Variants in ZMYND8 observed in about 807,000 individuals in gnomAD.
The protein encoded by ZMYND8 is MYND-type zinc finger-containing chromatin reader ZMYND8.
In ZMYND8, 37 loss-of-function variants were observed where a neutral mutation model predicts 140.8. That is an observed-to-expected ratio of 0.26 (90% CI 0.20 to 0.35). The LOEUF (loss-of-function observed/expected upper bound fraction) is 0.35, where lower values mean the gene tolerates loss of function less well. Ranked by LOEUF, ZMYND8 falls within the 10% of genes least tolerant of loss-of-function variation. The pLI is 1.00. For synonymous variants in ZMYND8, 592 were observed against 597.1 expected (o/e 0.99, Z 0.12); for missense variants, 1,068 against 1,570.0 (o/e 0.68, Z 5.40).
intron 20 of ZMYND8, 76 bp from the exon 21 acceptor site, chr20:47,220,400 C>A: frequency 8.3e-7 from 1 of 1,204,602 alleles, no homozygotes; most frequent in South Asian, 1.3e-5. Context: ...TCCAGGGAGT[C>A]ATGGGGGTGC....
At chr20:47,329,205 A>T (rs1428782809) in intron 2 of ZMYND8, among the ~76,000 whole-genome samples, 1 of 152,222 alleles carries the variant, frequency 6.6e-6, no homozygotes, top group African/African-American at 2.4e-5. Flanking sequence ...TACAGCATTC[A>T]GCACAGCATG....
intron 11 of ZMYND8, among the ~76,000 whole-genome samples, chr20:47,273,262 T>G (rs2076066162): frequency 1.3e-5 from 2 of 152,158 alleles, no homozygotes; most frequent in Admixed American, 1.3e-4. Context: ...TCATGAAACA[T>G]GCAACTTATA....
intron 16 of ZMYND8, among the ~76,000 whole-genome samples, chr20:47,234,933 A>G (rs553159231): frequency 1.4e-4 from 22 of 152,256 alleles, no homozygotes; most frequent in African/African-American, 5.1e-4. Flanking sequence ...TGAGGCCAGG[A>G]GTTTGAGACC....
At chr20:47,278,576 T>C (rs2076397937) in intron 10 of ZMYND8, among the ~76,000 whole-genome samples, 1 of 151,534 alleles carries the variant, frequency 6.6e-6, no homozygotes, top group South Asian at 2.1e-4. Context: ...AGCACATCCC[T>C]GGGACCGAAT....
chr20:47,227,060 C>A, intron 18 of ZMYND8, 143 bp downstream of exon 18: 1 of 871,802 alleles, frequency 1.1e-6, no homozygotes. Flanking sequence ...CAGGCCCAGA[C>A]TCTCAGGATT....
At chr20:47,232,906 G>GTTTTTTTTTTT (rs758568932) in intron 16 of ZMYND8, among the ~76,000 whole-genome samples, 2 of 123,426 alleles carry the variant, frequency 1.6e-5, no homozygotes, top group African/African-American at 7.0e-5. Context: ...TGTTTTTTTT[G>GTTTTTTTTTTT]TTTTTTTTTT....
intron 3 of ZMYND8, among the ~76,000 whole-genome samples, chr20:47,303,659 G>GAT (rs2078253658): frequency 1.3e-5 from 2 of 151,762 alleles, no homozygotes; most frequent in African/African-American, 4.8e-5. Context: ...TCACACCACT[G>GAT]CACTCCAGCC....
chr20:47,236,414 C>G lies in ZMYND8; in HGVS notation c.2768G>C (p.Ser923Thr). The G allele has an allele frequency of 6.2e-7, 1 of 1,614,128 alleles. No homozygotes were observed. The highest frequency in any genetic ancestry group is 8.5e-7 in the Non-Finnish European group (1 of 1,180,020). ...AGCGTTGACTGAGGACACAAGGGTG[C>G]TCATGGACCCCGAGCTGGTGACCAG... Reference protein sequence around the residue: ...SPLVTSSGSMSTLVSSVNADL... With the variant: ...SPLVTSSGSMTTLVSSVNADL... The change falls in exon 16 of 23, where the codon AGC (serine) becomes ACC (threonine). Residue 923 changes from serine (S) to threonine (T), a missense_variant. Transcript: ENST00000471951.
intron 2 of ZMYND8, among the ~76,000 whole-genome samples, chr20:47,325,203 C>T (rs2080312915): frequency 6.6e-6 from 1 of 152,180 alleles, no homozygotes; most frequent in Non-Finnish European, 1.5e-5. Context: ...CCACACCTGG[C>T]CCATAGTTGA....
At chr20:47,308,069 G>A (rs2078634870) in intron 3 of ZMYND8, among the ~76,000 whole-genome samples, 1 of 144,384 alleles carries the variant, frequency 6.9e-6, no homozygotes, top group South Asian at 2.2e-4. Context: ...AATGAGCCGA[G>A]ATCACACCAA....
intron 2 of ZMYND8, among the ~76,000 whole-genome samples, chr20:47,345,968 T>C (rs1281422458): frequency 6.6e-6 from 1 of 152,050 alleles, no homozygotes; most frequent in Admixed American, 6.6e-5. Context: ...CCAATCCACG[T>C]TTTTGAAGCG....
At chr20:47,252,693 G>T (rs193021194) in intron 12 of ZMYND8, among the ~76,000 whole-genome samples, 14 of 152,296 alleles carry the variant, frequency 9.2e-5, no homozygotes, top group African/African-American at 3.4e-4. Context: ...GGCTGAGGTG[G>T]GCAGTTCCCT....
At position 47,243,521 on chromosome 20, in the gene ZMYND8, G is replaced by A. The variant is rs1028251040; in HGVS notation, c.2284+2487C>T. On this transcript the variant is annotated intron_variant, in intron 14 of 22. Coordinates refer to ENST00000471951, the MANE Select transcript of ZMYND8 (RefSeq NM_001281775.3). ...GGTTTTTTGTTTTTTTGGAAAGTAT[G>A]AGATCTTCTAAGGTACTGTGTTTCC... Among the ~76,000 whole-genome samples the A allele has an allele frequency of 4.6e-5, 7 of 152,166 alleles. 1 individual carries two copies. The highest frequency in any genetic ancestry group is 4.1e-4 in the South Asian group (2 of 4,826).
At chr20:47,276,136 A>T (rs2076242595) in intron 11 of ZMYND8, among the ~76,000 whole-genome samples, 178 bp downstream of exon 11, 1 of 151,994 alleles carries the variant, frequency 6.6e-6, no homozygotes, top group Non-Finnish European at 1.5e-5. Flanking sequence ...CACTTTTCTC[A>T]TTTCTGGGTT....
chr20:47,325,232 T>C (rs2080313398), intron 2 of ZMYND8, among the ~76,000 whole-genome samples: 1 of 152,136 alleles, frequency 6.6e-6, no homozygotes, highest in Non-Finnish European at 1.5e-5. Flanking sequence ...AAAAATTATT[T>C]TCCTCTTCTG....
intron 3 of ZMYND8, among the ~76,000 whole-genome samples, chr20:47,299,917 A>G (rs767019288): frequency 6.6e-6 from 1 of 152,134 alleles, no homozygotes; most frequent in Non-Finnish European, 1.5e-5. Flanking sequence ...CCAATACATA[A>G]AGCATTTATG....
chr20:47,223,494 A>G (rs2037279091), intron 19 of ZMYND8, among the ~76,000 whole-genome samples: 1 of 151,546 alleles, frequency 6.6e-6, no homozygotes, highest in Non-Finnish European at 1.5e-5. Context: ...GACAAGAGCA[A>G]AACTCTGTCT....
At chr20:47,256,183 C>T (rs1206407083) in intron 12 of ZMYND8, among the ~76,000 whole-genome samples, 3 of 151,308 alleles carry the variant, frequency 2.0e-5, no homozygotes, top group Admixed American at 6.6e-5. Flanking sequence ...ATCACTTAGA[C>T]AAAAGACCCT....
At chr20:47,301,262 C>G (rs1228311457) in intron 3 of ZMYND8, among the ~76,000 whole-genome samples, 1 of 150,486 alleles carries the variant, frequency 6.6e-6, no homozygotes, top group South Asian at 2.1e-4. Flanking sequence ...TCAAGCGATT[C>G]TCCTGCCTCA....
Sources: allele counts gnomAD v4.1 joint callset (sites outside exome capture counted in the v4.1 genomes callset), GRCh38; gene constraint gnomAD v4.1.1; transcripts MANE v1.5; gene names NCBI Gene and HGNC (gene_info 2026-07-23, HGNC 2026-07-21).